NIT2: variants seen among roughly 807,000 people sequenced by gnomAD.
NIT2 encodes the protein nitrilase family member 2, also known as omega-amidase NIT2.
Under a neutral mutation model 42.7 loss-of-function variants are expected in NIT2, and 46 were observed. The ratio of observed to expected loss-of-function variants is 1.08; its 90% CI spans 0.85 to 1.38. NIT2 has a LOEUF of 1.38. Among genes scored for constraint, NIT2 ranks in the 40% most tolerant of loss-of-function variants. The pLI, the probability that NIT2 is intolerant of heterozygous loss-of-function variation, is 0.00. For missense variants in NIT2, 309 were observed against 342.5 expected (o/e 0.90, Z 0.77); for synonymous variants, 123 against 121.9 (o/e 1.01, Z -0.06).
chr3:100,354,829 TA>T lies in NIT2; in HGVS notation c.739+4del. 1 of 1,610,626 alleles carries T rather than the reference TA, an allele frequency of 6.2e-7. No homozygotes were observed. The highest frequency in any genetic ancestry group is 8.5e-7 in the Non-Finnish European group (1 of 1,178,164). On this transcript the variant is annotated splice_donor_region_variant and intron_variant, in intron 9 of 9. Transcript: ENST00000394140. ...AAGCAATCGTGTATTCAGACATAGGTAAGATTTTCCTGGGCATGGTTTAGGT... is the reference window on the plus strand; with the variant it reads ...AAGCAATCGTGTATTCAGACATAGGTAGATTTTCCTGGGCATGGTTTAGGT...
chr3:100,342,563 A>C (rs1706168449), intron 4 of NIT2, among the ~76,000 whole-genome samples: 1 of 149,454 alleles, frequency 6.7e-6, no homozygotes, highest in Non-Finnish European at 1.5e-5. Context: ...TATCATATGC[A>C]TCCTTAACTT....
At chr3:100,346,064 CTG>C in intron 5 of NIT2, 115 bp from the exon 6 acceptor site, 1 of 754,734 alleles carries the variant, frequency 1.3e-6, no homozygotes, top group Non-Finnish European at 2.3e-6. Flanking sequence ...TCCTCAGGTC[CTG>C]TGTTAATTTA....
chr3:100,359,092 A>C lies in NIT2; in HGVS notation c.*3824A>C, dbSNP rs1292984430. Reference sequence around the variant, plus strand: ...AAAGCCAGCTGTTGGAATAGAAAGCACTTTAGGATAAAATGGTCTTGTTAA... The same window carrying C: ...AAAGCCAGCTGTTGGAATAGAAAGCCCTTTAGGATAAAATGGTCTTGTTAA... On this transcript the variant is annotated 3_prime_UTR_variant, in exon 10 of 10. Transcript: ENST00000394140. The C allele has an allele frequency of 6.6e-6, 1 of 152,234 alleles. No individual in the cohort carries two copies. The highest frequency in any genetic ancestry group is 1.5e-5 in the Non-Finnish European group (1 of 68,048). 9.4% of individuals were successfully genotyped at this position (152,234 alleles called of 1,614,324 possible). A position where few individuals can be genotyped will look rare whatever the true frequency, so the allele number is the denominator to read the frequency against.
At chr3:100,339,794 T>C in intron 2 of NIT2, 21 bp from the exon 3 acceptor site, 1 of 1,597,124 alleles carries the variant, frequency 6.3e-7, no homozygotes, top group South Asian at 1.1e-5. Context: ...TCTTTTTTTT[T>C]CTCTGCCAAT....
chr3:100,345,310 T>C (rs1455627617), intron 4 of NIT2, among the ~76,000 whole-genome samples: 4 of 152,212 alleles, frequency 2.6e-5, no homozygotes, highest in African/African-American at 4.8e-5. Context: ...AGCAACATAT[T>C]AGTTACCTCC....
intron 4 of NIT2, among the ~76,000 whole-genome samples, chr3:100,344,330 A>G (rs1296494818): frequency 6.6e-6 from 1 of 152,192 alleles, no homozygotes; most frequent in African/African-American, 2.4e-5. Flanking sequence ...TGTTTTGGTC[A>G]TTCTTCAGTG....
At position 100,339,954 on chromosome 3, in the gene NIT2, G is replaced by A. The variant is rs764666280; in HGVS notation, c.247+19G>A. 2 of 1,606,950 alleles carry A rather than the reference G, an allele frequency of 1.2e-6. No individual in the cohort carries two copies. Among genetic ancestry groups the A allele is most frequent in the Non-Finnish European group, 1.7e-6 (2 of 1,176,296 alleles). ...ATTGGAGGTAACTTCCTACCCACAA[G>A]GTATAATGACCTAAACATTAGAAAC... On this transcript the variant is annotated intron_variant, in intron 3 of 9. Transcript: ENST00000394140.
At chr3:100,345,336 G>A (rs1236101141) in intron 4 of NIT2, among the ~76,000 whole-genome samples, 1 of 152,124 alleles carries the variant, frequency 6.6e-6, no homozygotes, top group Non-Finnish European at 1.5e-5. Context: ...GAAACCTAGA[G>A]GTTGATTTGC....
chr3:100,336,478 C>T (rs1431735628), intron 1 of NIT2, among the ~76,000 whole-genome samples: 2 of 152,182 alleles, frequency 1.3e-5, no homozygotes, highest in East Asian at 3.9e-4. Context: ...CCGTCGGCCT[C>T]TGAGTTCCCT....
At chr3:100,336,254 GCT>G (rs1268140669) in intron 1 of NIT2, among the ~76,000 whole-genome samples, 1 of 152,172 alleles carries the variant, frequency 6.6e-6, no homozygotes, top group Non-Finnish European at 1.5e-5. Flanking sequence ...AAAAGAGATA[GCT>G]CTCTAATGGT....
chr3:100,355,166 G>A lies in NIT2; in HGVS notation c.740-11G>A. The stretch of plus-strand genomic sequence containing the variant: ...CAAATTATTAATAGTGCACTTTCCT[G>A]TTTTTTGCAGACCTGAAGAAGCTGG... On this transcript the variant is annotated splice_polypyrimidine_tract_variant and intron_variant, in intron 9 of 9. Coordinates refer to ENST00000394140, the MANE Select transcript of NIT2 (RefSeq NM_020202.5). The A allele has an allele frequency of 6.2e-7, 1 of 1,611,710 alleles. No individual in the cohort carries two copies. The highest frequency in any genetic ancestry group is 8.5e-7 in the Non-Finnish European group (1 of 1,178,130).
At chr3:100,354,633 C>T (rs562824776) in intron 8 of NIT2, 139 bp from the exon 9 acceptor site, 69 of 537,998 alleles carry the variant, frequency 1.3e-4, no homozygotes, top group African/African-American at 1.2e-3. Context: ...AATGATAGAA[C>T]ATAAATCTGT....
intron 7 of NIT2, 87 bp downstream of exon 7, chr3:100,348,968 A>G: frequency 9.0e-7 from 1 of 1,107,742 alleles, no homozygotes; most frequent in Non-Finnish European, 1.4e-6. Flanking sequence ...AGCCTTCCTG[A>G]TGTGGATTCT....
chr3:100,352,867 G>C (rs1706288385), intron 8 of NIT2, among the ~76,000 whole-genome samples: 1 of 152,158 alleles, frequency 6.6e-6, no homozygotes. Flanking sequence ...CTAGTCCCAG[G>C]GTAGGAATGA....
intron 1 of NIT2, among the ~76,000 whole-genome samples, chr3:100,336,660 A>G (rs1424050680): frequency 6.6e-6 from 1 of 152,192 alleles, no homozygotes; most frequent in Non-Finnish European, 1.5e-5. Context: ...TAAACATCTC[A>G]ATGTCTTAAA....
At position 100,355,328 on chromosome 3, in the gene NIT2, C is replaced by G; in HGVS notation, c.*60C>G. ...ATATGATTCTACAACATAATCAACT[C>G]CCTATTAAATTCTTTAATGAAGATT... On this transcript the variant is annotated 3_prime_UTR_variant, in exon 10 of 10. Transcript: ENST00000394140. 7.8e-7 allele frequency: 1 copy of G among 1,283,000 alleles called. No individual in the cohort carries two copies. The allele number at this position is 1,283,000 out of a possible 1,614,324, so 79.5% of individuals were successfully genotyped here.
intron 7 of NIT2, among the ~76,000 whole-genome samples, chr3:100,351,433 A>G (rs1706272513): frequency 6.6e-6 from 1 of 152,176 alleles, no homozygotes; most frequent in African/African-American, 2.4e-5. Context: ...AACAGAACAG[A>G]GCCCTCAGAA....
At position 100,341,091 on chromosome 3, in the gene NIT2, A is replaced by G. The variant is rs1356688293; in HGVS notation, c.266A>G (p.Asp89Gly). The change falls in exon 4 of 10, where the codon GAT (aspartate) becomes GGT (glycine). Residue 89 changes from aspartate (D) to glycine (G), a missense_variant. Asp to Gly is a moderately conservative substitution (Grantham distance 94). Transcript: ENST00000394140. ...ATGAAAGGCTCTATCCCTGAAGAGG[A>G]TGCTGGGAAATTATATAACACCTGT... ...YLIGGSIPEE[D>G]AGKLYNTCAV... 4 of 1,612,560 alleles carry G rather than the reference A, an allele frequency of 2.5e-6. No individual in the cohort carries two copies. The highest frequency in any genetic ancestry group is 3.4e-6 in the Non-Finnish European group (4 of 1,178,644).
In NIT2 at chr3:100,339,944, C is replaced by T; in HGVS notation, c.247+9C>T. On this transcript the variant is annotated intron_variant, in intron 3 of 9. Transcript: ENST00000394140. ...CATATATCTCATTGGAGGTAACTTCCTACCCACAAGGTATAATGACCTAAA... is the reference window on the plus strand; with the variant it reads ...CATATATCTCATTGGAGGTAACTTCTTACCCACAAGGTATAATGACCTAAA... The T allele has an allele frequency of 6.2e-7, 1 of 1,609,946 alleles. No homozygotes were observed. The highest frequency in any genetic ancestry group is 1.1e-5 in the South Asian group (1 of 90,064).
Sources: gnomAD v4.1 joint callset for allele counts (sites outside exome capture counted in the v4.1 genomes callset) on GRCh38, gnomAD v4.1.1 for gene constraint, MANE v1.5 for transcripts, NCBI Gene and HGNC (gene_info 2026-07-23, HGNC 2026-07-21) for gene names.